The following MKX variants were observed in gnomAD, a reference collection of about 807,000 sequenced individuals.
MKX encodes the protein mohawk homeobox, also known as homeobox protein Mohawk.
In MKX, 13 loss-of-function variants were observed where a neutral mutation model predicts 36.0. That is an observed-to-expected ratio of 0.36 (90% CI 0.24 to 0.57). The LOEUF (loss-of-function observed/expected upper bound fraction) is 0.57, where lower values mean the gene tolerates loss of function less well. Ranked by LOEUF, MKX falls within the 20% of genes least tolerant of loss-of-function variation. The pLI is 0.79. For missense variants in MKX, 458 were observed against 456.4 expected (o/e 1.00, Z -0.03); for synonymous variants, 176 against 178.3 (o/e 0.99, Z 0.10).
chr10:27,740,989 T>C (rs1834879877), intron 3 of MKX, among the ~76,000 whole-genome samples: 1 of 152,166 alleles, frequency 6.6e-6, no homozygotes, highest in Admixed American at 6.5e-5. Context: ...TTGTAAGAGA[T>C]GCAAATGATG....
chr10:27,703,834 A>T (rs2132531139), intron 5 of MKX, among the ~76,000 whole-genome samples: 1 of 152,286 alleles, frequency 6.6e-6, no homozygotes, highest in Non-Finnish European at 1.5e-5. Context: ...CAGGAGATGG[A>T]GGTTTCAGTG....
At chr10:27,701,811 TTG>T (rs558843357) in intron 5 of MKX, among the ~76,000 whole-genome samples, 13 of 74,770 alleles carry the variant, frequency 1.7e-4, no homozygotes, top group African/African-American at 4.1e-4. Context: ...TACAGTTATT[TTG>T]TGTGTGTGTG....
chr10:27,691,189 A>G (rs1265774782), intron 5 of MKX, among the ~76,000 whole-genome samples: 1 of 152,154 alleles, frequency 6.6e-6, no homozygotes, highest in Non-Finnish European at 1.5e-5. Context: ...TTTTCTTAGG[A>G]TGCTCTAGAG....
Position 27,741,728 on chromosome 10 carries a change from C to A in MKX, c.189-224G>T, listed in dbSNP as rs1283363651. On this transcript the variant is annotated intron_variant, in intron 2 of 6. Transcript: ENST00000419761. The surrounding 1 kb of genome is among the most constrained non-coding windows in gnomAD (Gnocchi z 5.1). The stretch of plus-strand genomic sequence containing the variant: ...AGGTTTATCTTGAATAGGGGGATAC[C>A]TTGAACCCAATACCCCAAGGTTAGA... 6.6e-6 allele frequency among the ~76,000 whole-genome samples: 1 copy of A among 152,222 alleles called. No individual in the cohort carries two copies. Among genetic ancestry groups the A allele is most frequent in the Admixed American group, 6.5e-5 (1 of 15,290 alleles).
At chr10:27,699,509 G>C (rs1005515923) in intron 5 of MKX, among the ~76,000 whole-genome samples, 5 of 152,150 alleles carry the variant, frequency 3.3e-5, no homozygotes, top group Admixed American at 6.5e-5. Flanking sequence ...CATGAAGAAC[G>C]AATACGTCAA....
chr10:27,731,396 C>A (rs1208284307), intron 5 of MKX, among the ~76,000 whole-genome samples: 1 of 152,018 alleles, frequency 6.6e-6, no homozygotes, highest in Non-Finnish European at 1.5e-5. Context: ...GAAAGTATTT[C>A]TTGAAATCCC....
intron 5 of MKX, among the ~76,000 whole-genome samples, chr10:27,731,665 A>T (rs1349800265): frequency 2.6e-5 from 4 of 152,188 alleles, no homozygotes; most frequent in African/African-American, 7.2e-5. Flanking sequence ...TAAAAAAAAA[A>T]AATAGGCTTT....
At chr10:27,724,682 G>A (rs1834449440) in intron 5 of MKX, among the ~76,000 whole-genome samples, 1 of 151,858 alleles carries the variant, frequency 6.6e-6, no homozygotes, top group South Asian at 2.1e-4. Flanking sequence ...GCAGAGGGGA[G>A]ATGCCACCGA....
At chr10:27,715,632 T>C (rs1283116810) in intron 5 of MKX, among the ~76,000 whole-genome samples, 1 of 152,190 alleles carries the variant, frequency 6.6e-6, no homozygotes, top group African/African-American at 2.4e-5. Context: ...TGGGGTATTA[T>C]GAGGCTTGAG....
chr10:27,702,398 AAAACCC>A (rs1263130384), intron 5 of MKX, among the ~76,000 whole-genome samples: 1 of 152,218 alleles, frequency 6.6e-6, no homozygotes. Flanking sequence ...TATGTAACTA[AAAACCC>A]TTGAAGGAGT....
Position 27,743,463 on chromosome 10 carries a change from TG to T in MKX, c.-49del. The stretch of plus-strand genomic sequence containing the variant: ...CGGCGCGGCCGCAGAGCCTCGGGGC[TG>T]GGCCGCCGGGAGCTCCGCAGCGGGG... On this transcript the variant is annotated 5_prime_UTR_variant, in exon 2 of 7. Coordinates refer to ENST00000419761, the MANE Select transcript of MKX (RefSeq NM_173576.3). The T allele has an allele frequency of 6.8e-7, 1 of 1,472,298 alleles. No homozygotes were observed. The allele number at this position is 1,472,298 out of a possible 1,614,324, so 91.2% of individuals were successfully genotyped here.
intron 5 of MKX, among the ~76,000 whole-genome samples, chr10:27,678,487 C>T (rs1204150392): frequency 6.6e-6 from 1 of 152,212 alleles, no homozygotes; most frequent in Non-Finnish European, 1.5e-5. Context: ...GTAACTGACA[C>T]TCTGGCTCCC....
rs994071185 is a variant in MKX at position 27,704,540 on chromosome 10, G to A, written c.839-28986C>T. 4.6e-5 allele frequency among the ~76,000 whole-genome samples: 7 copies of A among 152,010 alleles called. 1 individual carries two copies. Among genetic ancestry groups the A allele is most frequent in the Admixed American group, 4.6e-4 (7 of 15,264 alleles). ...AGACCAAAGAAAAATTAATAGAAGA[G>A]AATAGAAAGACAAGACCAACTCAAT... is the stretch of plus-strand genomic sequence containing the variant. On this transcript the variant is annotated intron_variant, in intron 5 of 6. Transcript: ENST00000419761.
At position 27,674,944 on chromosome 10, in the gene MKX, C is replaced by T; in HGVS notation, c.*285G>A. 1 of 274,714 alleles carries T rather than the reference C, an allele frequency of 3.6e-6. No individual in the cohort carries two copies. The highest frequency in any genetic ancestry group is 6.9e-6 in the Non-Finnish European group (1 of 145,260). The allele number at this position is 274,714 out of a possible 1,614,324, so 17.0% of individuals were successfully genotyped here. A position where few individuals can be genotyped will look rare whatever the true frequency, so the allele number is the denominator to read the frequency against. ...TGAGGCATAGCTTGTTCAACTATGC[C>T]CACGTTGGAGCTTATTGTCGGGAAG... On this transcript the variant is annotated 3_prime_UTR_variant, in exon 7 of 7. Transcript: ENST00000419761.
In MKX at chr10:27,741,029, C is replaced by T. The variant is rs1179146178; in HGVS notation, c.348+316G>A. Reference sequence around the variant, plus strand: ...CACCCCAGACCTGCTGAATCCGAAACTCGGAGGTGGGGCCTAGCGATTCGT... The same window carrying T: ...CACCCCAGACCTGCTGAATCCGAAATTCGGAGGTGGGGCCTAGCGATTCGT... On this transcript the variant is annotated intron_variant, in intron 3 of 6. Transcript: ENST00000419761. This position sits in a 1 kb window ranked among gnomAD's most constrained non-coding sequence, Gnocchi z 5.1. Among the ~76,000 whole-genome samples the T allele has an allele frequency of 1.3e-5, 2 of 152,156 alleles. No homozygotes were observed. Among genetic ancestry groups the T allele is most frequent in the Non-Finnish European group, 2.9e-5 (2 of 68,040 alleles).
chr10:27,689,078 T>C (rs1160495175), intron 5 of MKX, among the ~76,000 whole-genome samples: 1 of 152,240 alleles, frequency 6.6e-6, no homozygotes. Flanking sequence ...CTGTAGTGTA[T>C]CTTTGAATTG....
At chr10:27,729,345 G>A (rs1208510743) in intron 5 of MKX, among the ~76,000 whole-genome samples, 3 of 141,774 alleles carry the variant, frequency 2.1e-5, no homozygotes, top group Middle Eastern at 4.6e-3. Flanking sequence ...CCAGACTGGA[G>A]TGCAGTGGCA....
At chr10:27,735,947 A>T (rs1246793364) in intron 3 of MKX, among the ~76,000 whole-genome samples, 2 of 152,192 alleles carry the variant, frequency 1.3e-5, no homozygotes. Flanking sequence ...TGGAACCAAG[A>T]GAAGGGTAGT....
chr10:27,710,635 TC>T (rs1421511859), intron 5 of MKX, among the ~76,000 whole-genome samples: 1 of 152,130 alleles, frequency 6.6e-6, no homozygotes, highest in Non-Finnish European at 1.5e-5. Flanking sequence ...ACTCCATATT[TC>T]TGCTAGTTTT....
Sources: allele counts gnomAD v4.1 joint callset (sites outside exome capture counted in the v4.1 genomes callset), GRCh38; gene constraint gnomAD v4.1.1; non-coding constraint Gnocchi (gnomAD v3.1); transcripts MANE v1.5; gene names NCBI Gene and HGNC (gene_info 2026-07-23, HGNC 2026-07-21).